The following COL5A1 variants were observed in gnomAD, a reference collection of about 807,000 sequenced individuals.
COL5A1 encodes collagen alpha-1(V) chain.
In COL5A1, 16 loss-of-function variants were observed where a neutral mutation model predicts 263.7. The observed-to-expected ratio is 0.06, with a 90% CI of 0.04 to 0.09. The LOEUF is 0.09. Ranked by LOEUF, COL5A1 falls within the 10% of genes least tolerant of loss-of-function variation. The pLI, the probability that COL5A1 is intolerant of heterozygous loss-of-function variation, is 1.00. For missense variants in COL5A1, 2,036 were observed against 2,540.5 expected (o/e 0.80, Z 4.27); for synonymous variants, 1,012 against 1,004.5 (o/e 1.01, Z -0.14).
At chr9:134,748,128 CACACATGCAT>C (rs1438446111) in intron 11 of COL5A1, among the ~76,000 whole-genome samples, 1 of 151,050 alleles carries the variant, frequency 6.6e-6, no homozygotes, top group Admixed American at 6.6e-5. Context: ...GACATGCATC[CACACATGCAT>C]ACACATGCAT....
At chr9:134,774,775 A>G (rs1336642226) in intron 26 of COL5A1, 84 bp from the exon 27 acceptor site, 2 of 1,397,358 alleles carry the variant, frequency 1.4e-6, no homozygotes, top group African/African-American at 1.4e-5. Context: ...CAGGAGGGGT[A>G]TGCCGAACTC....
intron 1 of COL5A1, among the ~76,000 whole-genome samples, chr9:134,653,740 G>A (rs934763135): frequency 2.0e-5 from 3 of 151,316 alleles, no homozygotes; most frequent in African/African-American, 7.3e-5. Context: ...CAGGCAGGGG[G>A]CTATAGGGCT....
At chr9:134,684,644 G>A (rs1473743039) in intron 1 of COL5A1, among the ~76,000 whole-genome samples, 1 of 152,200 alleles carries the variant, frequency 6.6e-6, no homozygotes, top group South Asian at 2.1e-4. Flanking sequence ...GCAAGCCCTA[G>A]AGTGACATGG....
At chr9:134,828,811 C>CCA (rs906680873) in intron 63 of COL5A1, among the ~76,000 whole-genome samples, 91 of 150,286 alleles carry the variant, frequency 6.1e-4, no homozygotes, top group South Asian at 3.6e-3. Context: ...CACACAGATA[C>CCA]CACACACACA....
rs1836636565 is a variant in COL5A1 at position 134,765,694 on chromosome 9, T to C, written c.2048T>C (p.Leu683Pro). 1 of 1,613,666 alleles carries C rather than the reference T, an allele frequency of 6.2e-7. No homozygotes were observed. The highest frequency in any genetic ancestry group is 1.3e-5 in the African/African-American group (1 of 74,932). The change falls in exon 21 of 66, where the codon CTG (leucine) becomes CCG (proline). Residue 683 changes from leucine (L) to proline (P), a missense_variant. Leu to Pro is a moderately conservative substitution (Grantham distance 98, BLOSUM62 -3). This residue lies in a region of COL5A1 where 1,078 missense variants were observed against 1,521.4 expected (regional missense o/e 0.71). Transcript: ENST00000371817. The surrounding 1 kb of genome is among the most constrained non-coding windows in gnomAD (Gnocchi z 5.1). ...TTCCTCTTACAGGGGCCACGTGGTC[T>C]GCTTGGGCCGAAGGGGCCCCCAGGT... is the stretch of plus-strand genomic sequence containing the variant. ...GLPGEPGPRG[L>P]LGPKGPPGPP...
chr9:134,653,994 TGTGTGTAGGGCTGGAG>T (rs1312200665), intron 1 of COL5A1, among the ~76,000 whole-genome samples: 3 of 90,996 alleles, frequency 3.3e-5, no homozygotes, highest in Non-Finnish European at 6.6e-5. Context: ...ATAGGGCTGG[TGTGTGTAGGGCTGGAG>T]GTGTGTAGGG....
Position 134,812,635 on chromosome 9 carries a change from C to A in COL5A1, c.3775C>A (p.Pro1259Thr). 6.2e-7 allele frequency: 1 copy of A among 1,601,270 alleles called. No homozygotes were observed. Among genetic ancestry groups the A allele is most frequent in the Non-Finnish European group, 8.5e-7 (1 of 1,174,062 alleles). Reference sequence around the variant, plus strand: ...CCCGGGTCCCCCTGGCCCCCGAGGACCCTCCGGAGCTCCAGGTGCTGATGG... The same window carrying A: ...CCCGGGTCCCCCTGGCCCCCGAGGAACCTCCGGAGCTCCAGGTGCTGATGG... ...GPPGPPGPRG[P>T]SGAPGADGPQ... Residue 1259 changes from proline to threonine, a missense_variant, in exon 48 of 66, where the codon CCC (proline) becomes ACC (threonine). Around this residue, in one of 3 missense-constraint regions of COL5A1, gnomAD observed 1,078 missense variants for 1,521.4 expected, o/e 0.71. Transcript: ENST00000371817.
At chr9:134,756,065 G>C (rs1457372920) in intron 16 of COL5A1, among the ~76,000 whole-genome samples, 5 of 152,148 alleles carry the variant, frequency 3.3e-5, no homozygotes, top group Non-Finnish European at 7.4e-5. Flanking sequence ...GAGTTTCATA[G>C]AGACCCTGTT....
intron 20 of COL5A1, among the ~76,000 whole-genome samples, chr9:134,764,010 G>C (rs1284940145): frequency 1.3e-5 from 2 of 150,360 alleles, no homozygotes; most frequent in East Asian, 4.0e-4. Context: ...CAGCGTGGTG[G>C]GGTCTGGGGG....
intron 4 of COL5A1, chr9:134,708,373 C>T (rs1324773174): frequency 5.8e-6 from 2 of 344,890 alleles, no homozygotes; most frequent in Non-Finnish European, 1.1e-5. Context: ...CAAGTCCCTG[C>T]TGCTGCCTGG....
chr9:134,810,455 C>A, intron 44 of COL5A1, 147 bp downstream of exon 44: 2 of 734,060 alleles, frequency 2.7e-6, no homozygotes, highest in Non-Finnish European at 4.7e-6. Context: ...CATGTGTGTT[C>A]CCACAACGTG....
At chr9:134,714,693 AGGT>A (rs1404785315) in intron 4 of COL5A1, among the ~76,000 whole-genome samples, 1 of 11,332 alleles carries the variant, frequency 8.8e-5, no homozygotes, top group Admixed American at 7.4e-4. Flanking sequence ...ATGCTGGTGA[AGGT>A]GGTAGTGGAG....
At chr9:134,688,983 G>A (rs957786445) in intron 1 of COL5A1, among the ~76,000 whole-genome samples, 1 of 149,198 alleles carries the variant, frequency 6.7e-6, no homozygotes, top group Non-Finnish European at 1.5e-5. Flanking sequence ...TCATGGCGGG[G>A]GTGGGGGTGG....
rs4341231 is a variant in COL5A1 at position 134,701,115 on chromosome 9, T to A, written c.492-56T>A. 1.9e-6 allele frequency: 3 copies of A among 1,589,424 alleles called. No homozygotes were observed. The South Asian group carries it at 3.3e-5, about 18-fold the overall frequency. ...TGTCTCGAGGAATTTGCAGCAAAAT[T>A]GCTTGAGCTGGCATCTGTGATCCAA... On this transcript the variant is annotated intron_variant, in intron 3 of 65. Transcript: ENST00000371817.
chr9:134,810,641 G>C (rs1838489298), intron 44 of COL5A1, among the ~76,000 whole-genome samples: 1 of 152,226 alleles, frequency 6.6e-6, no homozygotes, highest in Admixed American at 6.5e-5. Context: ...CTCCGGCAGA[G>C]ACAGCACCAT....
chr9:134,728,322 C>T (rs1226041291), intron 5 of COL5A1, among the ~76,000 whole-genome samples: 1 of 152,250 alleles, frequency 6.6e-6, no homozygotes, highest in Non-Finnish European at 1.5e-5. Flanking sequence ...GGCCCGGGAG[C>T]CTGCTGGAGA....
rs150486495 is a variant in COL5A1 at position 134,802,246 on chromosome 9, C to T, written c.3006+239C>T. ...AGGGCAAGGAAGGCTGCCCAAGGCT[C>T]ACAGGGTGGCTGGGGCCAGACCTGG... On this transcript the variant is annotated intron_variant, in intron 38 of 65. Transcript: ENST00000371817. Among the ~76,000 whole-genome samples, 251 of 152,340 alleles carry T rather than the reference C, an allele frequency of 1.6e-3. No homozygotes were observed. The Middle Eastern group carries it at 0.031, about 19-fold the overall frequency.
At chr9:134,822,724 C>T (rs866452804) in intron 59 of COL5A1, among the ~76,000 whole-genome samples, 1 of 150,772 alleles carries the variant, frequency 6.6e-6, no homozygotes, top group Admixed American at 6.6e-5. Context: ...CGCTGCGCCC[C>T]CCCCGCGGCT....
At chr9:134,665,588 A>G (rs1832333214) in intron 1 of COL5A1, among the ~76,000 whole-genome samples, 1 of 152,326 alleles carries the variant, frequency 6.6e-6, no homozygotes, top group East Asian at 1.9e-4. Flanking sequence ...CACAGGCTGC[A>G]GGTCTCTCCT....
Sources: allele counts gnomAD v4.1 joint callset (sites outside exome capture counted in the v4.1 genomes callset), GRCh38; gene constraint gnomAD v4.1.1; regional missense constraint gnomAD v4.1.1; non-coding constraint Gnocchi (gnomAD v3.1); transcripts MANE v1.5; gene names NCBI Gene and HGNC (gene_info 2026-07-23, HGNC 2026-07-21).